The following OTOG variants were observed in gnomAD, a reference collection of about 807,000 sequenced individuals.
OTOG encodes the protein otogelin.
OTOG carries 296 observed loss-of-function variants against 313.8 expected under a neutral mutation model. That is an observed-to-expected ratio of 0.94 (90% CI 0.86 to 1.04). The LOEUF (loss-of-function observed/expected upper bound fraction) is 1.04. OTOG is among the 50% of genes least tolerant of loss of function. OTOG has a pLI of 0.00. For missense variants in OTOG, 3,948 were observed against 3,840.1 expected, an observed-to-expected ratio of 1.03 and a Z score of -0.74; for synonymous variants, 1,533 against 1,554.9, an observed-to-expected ratio of 0.99 and a Z score of 0.33.
intron 31 of OTOG, among the ~76,000 whole-genome samples, chr11:17,600,328 G>A (rs1222208911): frequency 6.6e-6 from 1 of 152,208 alleles, no homozygotes; most frequent in Non-Finnish European, 1.5e-5. Flanking sequence ...GTAGTTTTTA[G>A]CACCGAACTT....
rs1163233244 is a variant in OTOG at position 17,612,236 on chromosome 11, C to T, written c.6198C>T (p.His2066=). 1.3e-6 allele frequency: 2 copies of T among 1,548,682 alleles called. No individual in the cohort carries two copies. Among genetic ancestry groups the T allele is most frequent in the Non-Finnish European group, 8.7e-7 (1 of 1,146,988 alleles). ...TGATTCGCGTGAATCAGTCCCAGCA[C>T]TGTCCCCAGGGTGCTGCTCCCCCTC... ...GQLIRVNQSQ[H]CPQGAAPPRC... The change falls in exon 37 of 56, where the codon CAC becomes CAT. Residue 2066 remains histidine, a synonymous_variant. Coordinates refer to ENST00000399397, the MANE Select transcript of OTOG (RefSeq NM_001292063.2).
intron 24 of OTOG, among the ~76,000 whole-genome samples, 161 bp downstream of exon 24, chr11:17,586,742 G>A (rs1590021465): frequency 6.6e-6 from 1 of 152,198 alleles, no homozygotes; most frequent in African/African-American, 2.4e-5. Flanking sequence ...GTACACATAG[G>A]AGTATATGCA....
intron 31 of OTOG, among the ~76,000 whole-genome samples, chr11:17,599,935 C>G (rs539856541): frequency 6.6e-6 from 1 of 152,208 alleles, no homozygotes; most frequent in East Asian, 1.9e-4. Flanking sequence ...GGCCAGCTCC[C>G]GGGGACTGTG....
Position 17,631,802 on chromosome 11 carries a change from G to A in OTOG, c.6813G>A (p.Val2271=). The part of the protein sequence containing the change: ...DPAPFLDSWQ[V]PSSLTSVGQT... ...CTCCCTTTCTGGACAGCTGGCAGGTGCCCAGCTCCCTGACCTCAGTGGGCC... is the reference window on the plus strand; with the variant it reads ...CTCCCTTTCTGGACAGCTGGCAGGTACCCAGCTCCCTGACCTCAGTGGGCC... Residue 2271 remains valine, a synonymous_variant, in exon 41 of 56, where the codon GTG becomes GTA. Transcript: ENST00000399397. The A allele has an allele frequency of 1.3e-6, 2 of 1,550,618 alleles. No individual in the cohort carries two copies. The highest frequency in any genetic ancestry group is 2.4e-5 in the South Asian group (2 of 84,060).
Position 17,628,205 on chromosome 11 carries a change from A to T in OTOG, c.6529-928A>T, listed in dbSNP as rs560681007. Among the ~76,000 whole-genome samples, 8 of 152,204 alleles carry T rather than the reference A, an allele frequency of 5.3e-5. No individual in the cohort carries two copies. In the East Asian group the frequency reaches 9.6e-4, roughly 18 times the overall value. ...TTTGATATAGGCACTGATAGCTATA[A>T]ATTTCCCCCTTAGTGCTGCTTTTGC... On this transcript the variant is annotated intron_variant, in intron 39 of 55. Transcript: ENST00000399397.
intron 23 of OTOG, among the ~76,000 whole-genome samples, chr11:17,584,861 T>C (rs1271135975): frequency 6.6e-6 from 1 of 152,252 alleles, no homozygotes; most frequent in Non-Finnish European, 1.5e-5. Context: ...TATCATATGA[T>C]ATTTTCCCTT....
chr11:17,562,438 A>G lies in OTOG; in HGVS notation c.1644+631A>G, dbSNP rs556613834. 2.0e-5 allele frequency among the ~76,000 whole-genome samples: 3 copies of G among 152,274 alleles called. No homozygotes were observed. In the East Asian group the frequency reaches 5.8e-4, roughly 29 times the overall value. On this transcript the variant is annotated intron_variant, in intron 15 of 55. Transcript: ENST00000399397. ...ATAAAGGACATGACTTAAAATTTCA[A>G]ATAAAAAAGAATGAATGTTCTAGGA...
chr11:17,626,304 T>C (rs973301460), intron 39 of OTOG, among the ~76,000 whole-genome samples: 10 of 152,202 alleles, frequency 6.6e-5, no homozygotes, highest in Non-Finnish European at 2.9e-5. Context: ...GCTTGCCAAG[T>C]AGCTGGGGTT....
chr11:17,569,758 A>T (rs1018430667), intron 16 of OTOG, among the ~76,000 whole-genome samples: 6 of 152,236 alleles, frequency 3.9e-5, no homozygotes, highest in African/African-American at 1.4e-4. Flanking sequence ...AGAAATAAAT[A>T]TAAACCATAA....
intron 12 of OTOG, among the ~76,000 whole-genome samples, chr11:17,560,119 T>G (rs1852150533): frequency 6.6e-6 from 1 of 152,260 alleles, no homozygotes; most frequent in South Asian, 2.1e-4. Flanking sequence ...TGTATACACA[T>G]ACATTTGTTT....
At chr11:17,603,406 T>G (rs1253973378) in intron 32 of OTOG, among the ~76,000 whole-genome samples, 1 of 152,188 alleles carries the variant, frequency 6.6e-6, no homozygotes, top group African/African-American at 2.4e-5. Context: ...CTCCATCCAG[T>G]ATTTTAATCT....
chr11:17,614,243 A>G (rs1853669896), intron 39 of OTOG, among the ~76,000 whole-genome samples: 2 of 151,734 alleles, frequency 1.3e-5, no homozygotes, highest in African/African-American at 4.8e-5. Flanking sequence ...TCAGGTCCCA[A>G]AGTTGTGAGT....
At chr11:17,555,730 C>A in intron 6 of OTOG, 49 bp from the exon 7 acceptor site, 1 of 1,450,676 alleles carries the variant, frequency 6.9e-7, no homozygotes, top group Non-Finnish European at 9.4e-7. Context: ...AGCTCAGGGT[C>A]AGGCCTGTGG....
rs1565091826 is a variant in OTOG at position 17,559,166 on chromosome 11, G to A, written c.1213+5G>A. 1.3e-6 allele frequency: 2 copies of A among 1,533,810 alleles called. No homozygotes were observed. The highest frequency in any genetic ancestry group is 1.2e-5 in the South Asian group (1 of 83,692). Reference sequence around the variant, plus strand: ...GGACCCAGCTCCGGCAATGCAGTAGGTGCAGCCCAGTAGTGGGGCAGGGAG... The same window carrying A: ...GGACCCAGCTCCGGCAATGCAGTAGATGCAGCCCAGTAGTGGGGCAGGGAG... On this transcript the variant is annotated splice_donor_5th_base_variant and intron_variant, in intron 11 of 55. Coordinates refer to ENST00000399397, the MANE Select transcript of OTOG (RefSeq NM_001292063.2).
chr11:17,634,793 A>G, intron 44 of OTOG, 51 bp from the exon 45 acceptor site: 1 of 1,443,204 alleles, frequency 6.9e-7, no homozygotes, highest in South Asian at 1.2e-5. Flanking sequence ...ACTGGAGAGC[A>G]GTGGGGACAT....
intron 39 of OTOG, 118 bp downstream of exon 39, chr11:17,613,819 G>T: frequency 1.3e-6 from 1 of 779,748 alleles, no homozygotes; most frequent in South Asian, 1.6e-5. Flanking sequence ...GTGGGGAGGG[G>T]ACCTTTTTTT....
chr11:17,569,743 G>A (rs1334347807), intron 16 of OTOG, among the ~76,000 whole-genome samples: 1 of 152,166 alleles, frequency 6.6e-6, no homozygotes, highest in Non-Finnish European at 1.5e-5. Flanking sequence ...GTGTCAACAG[G>A]CTGCAGAAAT....
intron 33 of OTOG, 121 bp downstream of exon 33, chr11:17,606,256 C>T (rs1345111467): frequency 2.4e-6 from 3 of 1,271,362 alleles, no homozygotes; most frequent in Non-Finnish European, 3.2e-6. Context: ...CTTCTCCTGG[C>T]ACAGGGGCCA....
chr11:17,596,999 G>T lies in OTOG; in HGVS notation c.3674G>T (p.Arg1225Leu). The change falls in exon 30 of 56, where the codon CGC becomes CTC. Residue 1225 changes from arginine (R) to leucine (L), a missense_variant. By Grantham distance (102) the Arg-to-Leu change is moderately radical (BLOSUM62 -2). Coordinates refer to ENST00000399397, the MANE Select transcript of OTOG (RefSeq NM_001292063.2). The part of the protein sequence containing the change: ...HGVAVDWRTP[R>L]LCPYDCDFFN... ...GTGGCTGTTGACTGGCGAACCCCCCGCCTCTGCCGTGAGTGTCCCAGACAA... is the reference window on the plus strand; with the variant it reads ...GTGGCTGTTGACTGGCGAACCCCCCTCCTCTGCCGTGAGTGTCCCAGACAA... 6.5e-7 allele frequency: 1 copy of T among 1,549,590 alleles called. No homozygotes were observed. The highest frequency in any genetic ancestry group is 8.7e-7 in the Non-Finnish European group (1 of 1,146,626).
Sources: gnomAD v4.1 joint callset for allele counts (sites outside exome capture counted in the v4.1 genomes callset) on GRCh38, gnomAD v4.1.1 for gene constraint, MANE v1.5 for transcripts, NCBI Gene and HGNC (gene_info 2026-07-23, HGNC 2026-07-21) for gene names.